FBN3: variants seen among roughly 807,000 people sequenced by gnomAD.
FBN3 encodes fibrillin-3.
A neutral mutation model predicts 330.1 loss-of-function variants in FBN3; 234 were observed. That is an observed-to-expected ratio of 0.71 (90% CI 0.64 to 0.79). The LOEUF (loss-of-function observed/expected upper bound fraction) is 0.79, where lower values mean the gene tolerates loss of function less well. FBN3 is among the 30% of genes least tolerant of loss of function. FBN3 has a pLI of 0.00. For synonymous variants in FBN3, 1,458 were observed against 1,517.3 expected (o/e 0.96, Z 0.91); for missense variants, 3,606 against 3,886.9 (o/e 0.93, Z 1.92).
intron 6 of FBN3, among the ~76,000 whole-genome samples, chr19:8,144,452 C>G (rs991549463): frequency 2.6e-5 from 4 of 151,910 alleles, no homozygotes; most frequent in Admixed American, 1.3e-4. Context: ...TCATGAAGTC[C>G]AGTCCACCCT....
rs892113849 is a variant in FBN3 at position 8,121,601 on chromosome 19, C to A, written c.3083-215G>T. On this transcript the variant is annotated intron_variant, in intron 24 of 63. Coordinates refer to ENST00000600128, the MANE Select transcript of FBN3 (RefSeq NM_032447.5). The surrounding 1 kb of genome is among the most constrained non-coding windows in gnomAD (Gnocchi z 4.5). ...GTAGATATGACAGGCAGAACAGAAG[C>A]CCCCAAAAGGAGCCGAGGAAATGGA... Among the ~76,000 whole-genome samples, 5 of 152,146 alleles carry A rather than the reference C, an allele frequency of 3.3e-5. No homozygotes were observed. Among genetic ancestry groups the A allele is most frequent in the East Asian group, 3.8e-4 (2 of 5,196 alleles).
intron 37 of FBN3, 36 bp downstream of exon 37, chr19:8,108,131 TAGG>T: frequency 6.3e-7 from 1 of 1,587,844 alleles, no homozygotes; most frequent in Non-Finnish European, 8.6e-7. Context: ...AGTCAGTCTC[TAGG>T]CAGACAGATG....
At chr19:8,108,286 T>C in intron 36 of FBN3, 48 bp from the exon 37 acceptor site, 2 of 1,494,390 alleles carry the variant, frequency 1.3e-6, no homozygotes, top group Non-Finnish European at 1.8e-6. Flanking sequence ...GGGGCAAAGC[T>C]TAGGGGAAAC....
In FBN3 at chr19:8,112,112, G is replaced by A. The variant is rs2082602985; in HGVS notation, c.3839-13C>T. On this transcript the variant is annotated splice_polypyrimidine_tract_variant and intron_variant, in intron 30 of 63. Coordinates refer to ENST00000600128, the MANE Select transcript of FBN3 (RefSeq NM_032447.5). Reference sequence around the variant, plus strand: ...CATTCATCCACATCTAAAGGGAGAGGAGGCACGACGCCAAGACCCAGTCAC... The same window carrying A: ...CATTCATCCACATCTAAAGGGAGAGAAGGCACGACGCCAAGACCCAGTCAC... 2 of 1,611,312 alleles carry A rather than the reference G, an allele frequency of 1.2e-6. No homozygotes were observed. The highest frequency in any genetic ancestry group is 1.7e-6 in the Non-Finnish European group (2 of 1,178,428).
In FBN3 at chr19:8,085,478, G is replaced by A; in HGVS notation, c.6972C>T (p.Cys2324=). The A allele has an allele frequency of 6.3e-7, 1 of 1,588,874 alleles. No homozygotes were observed. The highest frequency in any genetic ancestry group is 8.6e-7 in the Non-Finnish European group (1 of 1,168,280). ...SSSEAVTRAE[C]CCGGGRGWGP... ...CCCAGCCCCGGCCACCCCCACAGCA[G>A]CACTCGGCCCTGGTGACAGCCTCAC... is the stretch of plus-strand genomic sequence containing the variant. Residue 2324 remains cysteine, a synonymous_variant, in exon 56 of 64, where the codon TGC becomes TGT. Coordinates refer to ENST00000600128, the MANE Select transcript of FBN3 (RefSeq NM_032447.5).
At chr19:8,135,936 G>GCCGCCCC in intron 13 of FBN3, 25 bp downstream of exon 13, 1 of 668,778 alleles carries the variant, frequency 1.5e-6, no homozygotes. Context: ...GGAAGCCCCT[G>GCCGCCCC]CCCACCCGCC....
intron 38 of FBN3, among the ~76,000 whole-genome samples, chr19:8,104,877 C>CTTTCT (rs1274775206): frequency 1.3e-5 from 2 of 151,950 alleles, no homozygotes; most frequent in African/African-American, 4.8e-5. Flanking sequence ...TTTTATATAA[C>CTTTCT]TTTCTTTTCT....
Position 8,111,716 on chromosome 19 carries a change from A to T in FBN3, c.4016T>A (p.Leu1339His). 6.3e-7 allele frequency: 1 copy of T among 1,597,440 alleles called. No individual in the cohort carries two copies. Among genetic ancestry groups the T allele is most frequent in the Non-Finnish European group, 8.5e-7 (1 of 1,169,670 alleles). Residue 1339 changes from leucine (L) to histidine (H), a missense_variant, in exon 32 of 64, where the codon CTC becomes CAC. Physicochemically the swap from Leu to His is moderately conservative, Grantham distance 99. Coordinates refer to ENST00000600128, the MANE Select transcript of FBN3 (RefSeq NM_032447.5). ...EHRCSPRGDC[L>H]NVPGSYRCTC... ...GCAGCGGTAGGAGCCAGGGACATTG[A>T]GACAGTCACCTCTTGGGCTGCACCG... is the stretch of plus-strand genomic sequence containing the variant.
rs928130046 is a variant in FBN3, at chr19:8,093,770, AAAAC to A, written c.5905+672_5905+675del. On this transcript the variant is annotated intron_variant, in intron 47 of 63. Coordinates refer to ENST00000600128, the MANE Select transcript of FBN3 (RefSeq NM_032447.5). ...ACTCCTCTCAAAACAAAACAAACAA[AAAAC>A]AAACAAACAAACAAAACAAAACAAC... is the stretch of plus-strand genomic sequence containing the variant. Among the ~76,000 whole-genome samples the A allele has an allele frequency of 1.1e-3, 165 of 148,302 alleles. 1 individual carries two copies. The highest frequency in any genetic ancestry group is 2.8e-4 in the Admixed American group (4 of 14,322).
Position 8,094,517 on chromosome 19 carries a change from C to G in FBN3, c.5834G>C (p.Cys1945Ser). ...GCGGAAGGAGCCCTCGAGGTTCTGG[C>G]AAGTGCCGGGTAGGCAGGTTCCTGC... ...SLAGTCLPGT[C>S]QNLEGSFRCI... The change falls in exon 47 of 64, where the codon TGC (cysteine) becomes TCC (serine). Residue 1945 changes from cysteine (C) to serine (S), a missense_variant. Cys to Ser is a moderately radical substitution (Grantham distance 112, BLOSUM62 -1). Coordinates refer to ENST00000600128, the MANE Select transcript of FBN3 (RefSeq NM_032447.5). The G allele has an allele frequency of 6.2e-7, 1 of 1,614,010 alleles. No individual in the cohort carries two copies. Among genetic ancestry groups the G allele is most frequent in the Non-Finnish European group, 8.5e-7 (1 of 1,179,908 alleles).
chr19:8,109,749 G>C lies in FBN3; in HGVS notation c.4338C>G (p.Ile1446Met). Reference protein sequence around the residue: ...LDRGGGNCTDINECADPVNCI... With the variant: ...LDRGGGNCTDMNECADPVNCI... Reference sequence around the variant, plus strand: ...AGTTTACTGGGTCTGCACACTCGTTGATGTCTGTAGGGAGGAAGCGCGGTC... The same window carrying C: ...AGTTTACTGGGTCTGCACACTCGTTCATGTCTGTAGGGAGGAAGCGCGGTC... The change falls in exon 35 of 64, where the codon ATC becomes ATG. Residue 1446 changes from isoleucine to methionine, a missense_variant. Coordinates refer to ENST00000600128, the MANE Select transcript of FBN3 (RefSeq NM_032447.5). This position sits in a 1 kb window ranked among gnomAD's most constrained non-coding sequence, Gnocchi z 5.2. 6.6e-7 allele frequency: 1 copy of C among 1,512,224 alleles called. No individual in the cohort carries two copies. Among genetic ancestry groups the C allele is most frequent in the African/African-American group, 1.4e-5 (1 of 71,584 alleles). The allele number at this position is 1,512,224 out of a possible 1,614,324, so 93.7% of individuals were successfully genotyped here.
chr19:8,123,623 C>T, intron 23 of FBN3, 34 bp from the exon 24 acceptor site: 1 of 1,611,726 alleles, frequency 6.2e-7, no homozygotes, highest in Non-Finnish European at 8.5e-7. Context: ...ACCCTGACGT[C>T]CCCAAGCTCA....
rs1400811527 is a variant in FBN3, at chr19:8,144,914, G to A, written c.504C>T (p.Ala168=). ...GAGGTCCCATGAAGCCATACACACA[G>A]GCGCAGCGGTTGGGCCCAATGCAGC... ...GGRCIGPNRC[A]CVYGFMGPQC... Residue 168 remains alanine (A), a synonymous_variant, in exon 6 of 64, where the codon GCC becomes GCT. Transcript: ENST00000600128. The A allele has an allele frequency of 6.2e-7, 1 of 1,612,368 alleles. No individual in the cohort carries two copies. The highest frequency in any genetic ancestry group is 1.1e-5 in the South Asian group (1 of 90,430).
In FBN3 at chr19:8,072,214, C is replaced by A. The variant is rs1353366523; in HGVS notation, c.7938-16G>T. 1 of 1,508,144 alleles carries A rather than the reference C, an allele frequency of 6.6e-7. No individual in the cohort carries two copies. The highest frequency in any genetic ancestry group is 8.8e-7 in the Non-Finnish European group (1 of 1,131,504). The allele number at this position is 1,508,144 out of a possible 1,614,324, so 93.4% of individuals were successfully genotyped here. ...GACACAGTGCCTGGGCCAGGATGGG[C>A]AGGGTGGAGGGGTTTCAGAGGCGGG... On this transcript the variant is annotated splice_polypyrimidine_tract_variant and intron_variant, in intron 62 of 63. Coordinates refer to ENST00000600128, the MANE Select transcript of FBN3 (RefSeq NM_032447.5).
At position 8,112,004 on chromosome 19, in the gene FBN3, A is replaced by C; in HGVS notation, c.3934T>G (p.Trp1312Gly). 2.5e-6 allele frequency: 4 copies of C among 1,583,768 alleles called. No homozygotes were observed. The highest frequency in any genetic ancestry group is 3.4e-6 in the Non-Finnish European group (4 of 1,163,334). Residue 1312 changes from tryptophan (W) to glycine (G), a missense_variant, in exon 31 of 64, where the codon TGG becomes GGG. Coordinates refer to ENST00000600128, the MANE Select transcript of FBN3 (RefSeq NM_032447.5). ...GSFSCRCLPGWVGDGFECHDL... is the reference protein window; with the variant it reads ...GSFSCRCLPGGVGDGFECHDL... ...TGACATTCGAAGCCATCCCCCACCC[A>C]GCCTGGCAGGCACCTACAGCTGAAA...
rs139567326 is a variant in FBN3 at position 8,146,359 on chromosome 19, A to G, written c.251-134T>C. ...CTGCATCCCCGGCTCTGCTCATAGC[A>G]CACCCCACCCCTGTTTTCATGGGAT... On this transcript the variant is annotated intron_variant, in intron 3 of 63. Coordinates refer to ENST00000600128, the MANE Select transcript of FBN3 (RefSeq NM_032447.5). 3.7e-3 allele frequency: 2,688 copies of G among 723,534 alleles called. 48 individuals carry two copies. In the African/African-American group the frequency reaches 0.038, roughly 10 times the overall value. 44.8% of individuals were successfully genotyped at this position (723,534 alleles called of 1,614,324 possible).
In FBN3 at chr19:8,083,241, G is replaced by T. The variant is rs1156558889; in HGVS notation, c.7213+6C>A. 2 of 1,613,892 alleles carry T rather than the reference G, an allele frequency of 1.2e-6. No homozygotes were observed. The stretch of plus-strand genomic sequence containing the variant: ...CAAGGGTGCAGGTGCAGAGGGCTGG[G>T]CTCACCCAGGCAGGTAGTAGCAGTA... On this transcript the variant is annotated splice_donor_region_variant and intron_variant, in intron 57 of 63. Coordinates refer to ENST00000600128, the MANE Select transcript of FBN3 (RefSeq NM_032447.5).
rs750803710 is a variant in FBN3 at position 8,066,155 on chromosome 19, C to T, written c.8194G>A (p.Gly2732Ser). The change falls in exon 64 of 64, where the codon GGT (glycine) becomes AGT (serine). Residue 2732 changes from glycine to serine, a missense_variant. Coordinates refer to ENST00000600128, the MANE Select transcript of FBN3 (RefSeq NM_032447.5). ...RILELRPALE[G>S]LEGRIRYVIV... ...ACGTAGCGGATCCGGCCCTCTAGACCCTCCAGGGCCGGCCGGAGCTCCAGG... is the reference window on the plus strand; with the variant it reads ...ACGTAGCGGATCCGGCCCTCTAGACTCTCCAGGGCCGGCCGGAGCTCCAGG... 2 of 1,613,120 alleles carry T rather than the reference C, an allele frequency of 1.2e-6. No homozygotes were observed. Among genetic ancestry groups the T allele is most frequent in the African/African-American group, 2.7e-5 (2 of 75,066 alleles).
chr19:8,142,964 C>T (rs2083447998), intron 6 of FBN3, among the ~76,000 whole-genome samples: 1 of 151,710 alleles, frequency 6.6e-6, no homozygotes. Flanking sequence ...ACCCAGGTCA[C>T]TTCCCCAGCC....
Sources: allele counts gnomAD v4.1 joint callset (sites outside exome capture counted in the v4.1 genomes callset), GRCh38; gene constraint gnomAD v4.1.1; non-coding constraint Gnocchi (gnomAD v3.1); transcripts MANE v1.5; gene names NCBI Gene and HGNC (gene_info 2026-07-23, HGNC 2026-07-21).